Variants in GPAM observed in about 807,000 individuals in gnomAD.
GPAM encodes the protein glycerol-3-phosphate acyltransferase, mitochondrial.
GPAM carries 56 observed loss-of-function variants against 105.0 expected under a neutral mutation model. That is an observed-to-expected ratio of 0.53 (90% CI 0.43 to 0.67). The LOEUF is 0.67. Among genes scored for constraint, GPAM ranks in the 30% least tolerant of loss-of-function variants. GPAM has a pLI of 0.00. For missense variants in GPAM, 855 were observed against 989.8 expected (o/e 0.86, Z 1.83); for synonymous variants, 368 against 354.4 (o/e 1.04, Z -0.43).
upstream of GPAM, among the ~76,000 whole-genome samples, chr10:112,219,464 C>T (rs937746290): frequency 8.5e-5 from 13 of 152,176 alleles, no homozygotes; most frequent in Non-Finnish European, 1.6e-4. Flanking sequence ...TTCGTGGCAC[C>T]AAGATCCTGC....
chr10:112,154,606 T>C lies in GPAM; in HGVS notation c.2370+23A>G, dbSNP rs748854463. The C allele has an allele frequency of 4.6e-6, 7 of 1,524,206 alleles. No individual in the cohort carries two copies. The South Asian group carries it at 7.8e-5, about 17-fold the overall frequency. 94.4% of individuals were successfully genotyped at this position (1,524,206 alleles called of 1,614,324 possible). Reference sequence around the variant, plus strand: ...AGAACAGAAGTTGAGATAGCTTTTATACCATAAATGGTGGACACCTACCCC... The same window carrying C: ...AGAACAGAAGTTGAGATAGCTTTTACACCATAAATGGTGGACACCTACCCC... On this transcript the variant is annotated intron_variant, in intron 21 of 21. Transcript: ENST00000348367.
intron 6 of GPAM, 85 bp from the exon 7 acceptor site, chr10:112,173,930 T>C (rs1403233762): frequency 1.8e-6 from 2 of 1,085,706 alleles, no homozygotes; most frequent in Non-Finnish European, 2.9e-6. Flanking sequence ...CAGCTGTAAA[T>C]CACAAAACAA....
the GPAM span, among the ~76,000 whole-genome samples, chr10:112,226,472 G>T: frequency 6.6e-6 from 1 of 152,128 alleles, no homozygotes; most frequent in African/African-American, 2.4e-5. Flanking sequence ...GTGTAAAGAA[G>T]CCCAGTTGCA....
chr10:112,172,049 T>A (rs1390760607), intron 9 of GPAM, 133 bp downstream of exon 9: 1 of 691,114 alleles, frequency 1.4e-6, no homozygotes, highest in Non-Finnish European at 2.5e-6. Context: ...AATAACTATG[T>A]ATCACTTTTA....
In GPAM at chr10:112,152,708, G is replaced by A. The variant is rs1846941649; in HGVS notation, c.*842C>T. ...TACCTGTGAGAGGCAGGTATTACCT[G>A]AGGGGTGGACGAGGTACAGACATAA... is the stretch of plus-strand genomic sequence containing the variant. On this transcript the variant is annotated 3_prime_UTR_variant, in exon 22 of 22. Transcript: ENST00000348367. The A allele has an allele frequency of 1.0e-6, 1 of 984,388 alleles. No individual in the cohort carries two copies. The highest frequency in any genetic ancestry group is 1.2e-6 in the Non-Finnish European group (1 of 828,958). The allele number at this position is 984,388 out of a possible 1,614,324, so 61.0% of individuals were successfully genotyped here. A position where few individuals can be genotyped will look rare whatever the true frequency, so the allele number is the denominator to read the frequency against.
chr10:112,217,906 G>A (rs191065955), upstream of GPAM, among the ~76,000 whole-genome samples: 32 of 152,288 alleles, frequency 2.1e-4, no homozygotes, highest in African/African-American at 7.7e-4. Flanking sequence ...CTTCCTAGCT[G>A]TTTAGATCAA....
rs1846950150 is a variant in GPAM, at chr10:112,153,156, C to A, written c.*394G>T. 3.0e-5 allele frequency: 31 copies of A among 1,034,780 alleles called. No homozygotes were observed. The highest frequency in any genetic ancestry group is 3.6e-5 in the Non-Finnish European group (31 of 856,628). The allele number at this position is 1,034,780 out of a possible 1,614,324, so 64.1% of individuals were successfully genotyped here. A position where few individuals can be genotyped will look rare whatever the true frequency, so the allele number is the denominator to read the frequency against. ...CCAGATAATATACCAACAAATTACCCAGCAGCACTAAGTATACCATGTAAG... is the reference window on the plus strand; with the variant it reads ...CCAGATAATATACCAACAAATTACCAAGCAGCACTAAGTATACCATGTAAG... On this transcript the variant is annotated 3_prime_UTR_variant, in exon 22 of 22. Coordinates refer to ENST00000348367, the MANE Select transcript of GPAM (RefSeq NM_001244949.2).
chr10:112,172,197 T>C lies in GPAM; in HGVS notation c.779A>G (p.Asn260Ser). 6.2e-7 allele frequency: 1 copy of C among 1,608,302 alleles called. No individual in the cohort carries two copies. Among genetic ancestry groups the C allele is most frequent in the Non-Finnish European group, 8.5e-7 (1 of 1,174,814 alleles). ...APYIASGNNL[N>S]IPIFSTLIHK... ...CTCATCTTACCTGAAGATTGGGATG[T>C]TGAGATTATTGCCTGAAGCAATGTA... Residue 260 changes from asparagine to serine, a missense_variant, in exon 9 of 22, where the codon AAC becomes AGC. By Grantham distance (46) the Asn-to-Ser change is conservative. Transcript: ENST00000348367.
rs1284069359 is a variant in GPAM, at chr10:112,155,925, C to T, written c.2250G>A (p.Glu750=). 2.5e-6 allele frequency: 4 copies of T among 1,612,534 alleles called. No homozygotes were observed. The highest frequency in any genetic ancestry group is 2.2e-5 in the East Asian group (1 of 44,878). Residue 750 remains glutamate, a synonymous_variant, in exon 20 of 22, where the codon GAG becomes GAA. Transcript: ENST00000348367. ...GGTATTTGTGCAACTTTTGCAGATA[C>T]TCAGGTTCTGGAACAGGACCACTGA... ...HNFSGPVPEP[E]YLQKLHKYLI...
the GPAM span, among the ~76,000 whole-genome samples, chr10:112,221,701 A>G: frequency 6.6e-6 from 1 of 152,180 alleles, no homozygotes; most frequent in Non-Finnish European, 1.5e-5. Context: ...GTGTGTCTCA[A>G]CATGTGGTCT....
rs544531942 is a variant in GPAM at position 112,151,190 on chromosome 10, A to C, written c.*2360T>G. On this transcript the variant is annotated 3_prime_UTR_variant, in exon 22 of 22. Coordinates refer to ENST00000348367, the MANE Select transcript of GPAM (RefSeq NM_001244949.2). ...TCATGTTACAGAAATGCGATAGAGT[A>C]AACTGTAATAAATTATTTACAAGCA... is the stretch of plus-strand genomic sequence containing the variant. The C allele has an allele frequency of 7.1e-6, 7 of 983,122 alleles. No individual in the cohort carries two copies. In the South Asian group the frequency reaches 3.3e-4, roughly 46 times the overall value. The allele number at this position is 983,122 out of a possible 1,614,324, so 60.9% of individuals were successfully genotyped here.
chr10:112,211,529 C>T (rs921696477), intron 1 of GPAM, among the ~76,000 whole-genome samples: 1 of 152,152 alleles, frequency 6.6e-6, no homozygotes, highest in Non-Finnish European at 1.5e-5. Context: ...GGTCTCCCAC[C>T]CCATCGAAAC....
chr10:112,225,448 C>A, the GPAM span, among the ~76,000 whole-genome samples: 1 of 152,294 alleles, frequency 6.6e-6, no homozygotes, highest in South Asian at 2.1e-4. Flanking sequence ...ACCACCACCA[C>A]CTTTCCATTC....
rs768933072 is a variant in GPAM at position 112,168,961 on chromosome 10, T to G, written c.795-9A>C. On this transcript the variant is annotated splice_polypyrimidine_tract_variant and intron_variant, in intron 9 of 21. Transcript: ENST00000348367. ...GCTTATGGATCAAGGTACTATAAATTCAGAATACATGAATTATTTACAAAG... is the reference window on the plus strand; with the variant it reads ...GCTTATGGATCAAGGTACTATAAATGCAGAATACATGAATTATTTACAAAG... 6.7e-7 allele frequency: 1 copy of G among 1,484,978 alleles called. No individual in the cohort carries two copies. The allele number at this position is 1,484,978 out of a possible 1,614,324, so 92.0% of individuals were successfully genotyped here. A position where few individuals can be genotyped will look rare whatever the true frequency, so the allele number is the denominator to read the frequency against.
chr10:112,220,851 A>AATAC, the GPAM span, among the ~76,000 whole-genome samples: 1 of 122,430 alleles, frequency 8.2e-6, no homozygotes, highest in Non-Finnish European at 1.6e-5. Context: ...ACAGATCTCA[A>AATAC]ATACACACAC....
At chr10:112,222,337 A>C in the GPAM span, among the ~76,000 whole-genome samples, 2 of 152,222 alleles carry the variant, frequency 1.3e-5, no homozygotes, top group Non-Finnish European at 2.9e-5. Context: ...GCAAGATTCT[A>C]GTCATTAAGA....
chr10:112,203,673 G>C (rs1368954111), intron 1 of GPAM, among the ~76,000 whole-genome samples: 1 of 152,132 alleles, frequency 6.6e-6, no homozygotes, highest in Non-Finnish European at 1.5e-5. Context: ...TGGATTTCTA[G>C]TGAGCACTTA....
chr10:112,184,504 T>G (rs1847567195), upstream of GPAM, among the ~76,000 whole-genome samples: 1 of 152,222 alleles, frequency 6.6e-6, no homozygotes, highest in Non-Finnish European at 1.5e-5. Context: ...ACTATTTAGA[T>G]AGTTTAAAAT....
At chr10:112,190,359 G>C (rs546390013) in intron 1 of GPAM, among the ~76,000 whole-genome samples, 1 of 152,104 alleles carries the variant, frequency 6.6e-6, no homozygotes, top group East Asian at 1.9e-4. Flanking sequence ...CAAAAAATTA[G>C]CTGGGCTTGG....
Sources: allele counts gnomAD v4.1 joint callset (sites outside exome capture counted in the v4.1 genomes callset), GRCh38; gene constraint gnomAD v4.1.1; transcripts MANE v1.5; gene names NCBI Gene and HGNC (gene_info 2026-07-23, HGNC 2026-07-21).